Variants in HYDIN observed in about 807,000 individuals in gnomAD.
HYDIN encodes the protein axonemal central pair apparatus protein HYDIN.
HYDIN carries 132 observed loss-of-function variants against 403.9 expected under a neutral mutation model. The ratio of observed to expected loss-of-function variants is 0.33; its 90% confidence interval spans 0.28 to 0.38. The LOEUF (loss-of-function observed/expected upper bound fraction) is 0.38, where lower values mean the gene tolerates loss of function less well. Ranked by LOEUF, HYDIN falls within the 10% of genes least tolerant of loss-of-function variation. The pLI is 1.00. For synonymous variants in HYDIN, 1,202 were observed against 1,891.7 expected (o/e 0.64, Z 9.46); for missense variants, 2,827 against 5,009.5 (o/e 0.56, Z 13.15).
In HYDIN at chr16:71,126,753, A is replaced by G. The variant is rs534378001; in HGVS notation, c.1227+2887T>C. Among the ~76,000 whole-genome samples the G allele has an allele frequency of 5.9e-4, 90 of 152,310 alleles. No individual in the cohort carries two copies. The East Asian group carries it at 0.014, about 24-fold the overall frequency. On this transcript the variant is annotated intron_variant, in intron 9 of 85. Coordinates refer to ENST00000393567, the MANE Select transcript of HYDIN (RefSeq NM_001270974.2). Reference sequence around the variant, plus strand: ...TTTCTTTGTTTTTGTAATTTTCCCAATTGGAAACATTCTCTGTCTCCTTTT... The same window carrying G: ...TTTCTTTGTTTTTGTAATTTTCCCAGTTGGAAACATTCTCTGTCTCCTTTT...
At chr16:71,102,045 CAAAT>C (rs937762545) in intron 10 of HYDIN, among the ~76,000 whole-genome samples, 1 of 151,862 alleles carries the variant, frequency 6.6e-6, no homozygotes, top group African/African-American at 2.4e-5. Flanking sequence ...CTCAGCAAAA[CAAAT>C]ATAGTATCAT....
At chr16:71,046,719 A>G (rs2081462075) in intron 18 of HYDIN, among the ~76,000 whole-genome samples, 1 of 152,240 alleles carries the variant, frequency 6.6e-6, no homozygotes, top group Non-Finnish European at 1.5e-5. Flanking sequence ...GGATGTGTGT[A>G]GGGGATTTAA....
Position 71,227,654 on chromosome 16 carries a change from G to A in HYDIN, c.-24+2908C>T, listed in dbSNP as rs777062700. ...GGAGAAGTACAAACCACTGCTCAAC[G>A]AAATAAAAGAGGACACAAATGGAAG... On this transcript the variant is annotated intron_variant, in intron 1 of 85. Transcript: ENST00000393567. 3.3e-5 allele frequency among the ~76,000 whole-genome samples: 5 copies of A among 152,264 alleles called. No individual in the cohort carries two copies. The South Asian group carries it at 8.3e-4, about 25-fold the overall frequency.
At chr16:71,194,562 A>C (rs2087599293) in intron 1 of HYDIN, among the ~76,000 whole-genome samples, 1 of 152,226 alleles carries the variant, frequency 6.6e-6, no homozygotes, top group Admixed American at 6.5e-5. Flanking sequence ...TTCCTCACTA[A>C]ATAATGGAGA....
In HYDIN at chr16:71,152,775, G is replaced by A. The variant is rs1432669558; in HGVS notation, c.725C>T (p.Ser242Phe). The change falls in exon 7 of 86, where the codon TCT becomes TTT. Residue 242 changes from serine to phenylalanine, a missense_variant. By Grantham distance (155) the Ser-to-Phe change is radical. Transcript: ENST00000393567. ...VFHIKTCRPFSIEPAIGTLNV... is the reference protein window; with the variant it reads ...VFHIKTCRPFFIEPAIGTLNV... The stretch of plus-strand genomic sequence containing the variant: ...AAGAGTTCCAATAGCTGGTTCTATA[G>A]AGAAAGGCCTGCAACACACAGAGAG... The A allele has an allele frequency of 2.0e-6, 3 of 1,499,912 alleles. No homozygotes were observed. Among genetic ancestry groups the A allele is most frequent in the Non-Finnish European group, 2.7e-6 (3 of 1,106,194 alleles). The allele number at this position is 1,499,912 out of a possible 1,614,324, so 92.9% of individuals were successfully genotyped here. A position where few individuals can be genotyped will look rare whatever the true frequency, so the allele number is the denominator to read the frequency against.
At chr16:70,897,047 A>G (rs2076224917) in intron 53 of HYDIN, among the ~76,000 whole-genome samples, 1 of 147,010 alleles carries the variant, frequency 6.8e-6, no homozygotes, top group South Asian at 2.3e-4. Flanking sequence ...TGGGGGTACA[A>G]ATGGTTAGAC....
intron 47 of HYDIN, among the ~76,000 whole-genome samples, chr16:70,917,415 T>TA (rs2076874291): frequency 6.6e-6 from 1 of 152,138 alleles, no homozygotes; most frequent in Non-Finnish European, 1.5e-5. Context: ...AAGCAGGACT[T>TA]ATAGGTGAAG....
intron 1 of HYDIN, among the ~76,000 whole-genome samples, chr16:71,228,307 A>G (rs2041129658): frequency 6.6e-6 from 1 of 152,194 alleles, no homozygotes; most frequent in Non-Finnish European, 1.5e-5. Context: ...CAGAATTGAC[A>G]AATGGGATCT....
intron 1 of HYDIN, among the ~76,000 whole-genome samples, chr16:71,202,767 T>C (rs1567446840): frequency 6.6e-6 from 1 of 152,222 alleles, no homozygotes; most frequent in Non-Finnish European, 1.5e-5. Flanking sequence ...AAATACTCTT[T>C]AACTGCTCCT....
At position 70,904,478 on chromosome 16, in the gene HYDIN, C is replaced by CTTTT. The variant is rs76148650; in HGVS notation, c.8517-418_8517-415dup. Among the ~76,000 whole-genome samples, 54 of 25,218 alleles carry CTTTT rather than the reference C, an allele frequency of 2.1e-3. 12 individuals carry two copies. The highest frequency in any genetic ancestry group is 8.7e-3 in the South Asian group (4 of 462). 16.5% of individuals were successfully genotyped at this position (25,218 alleles called of 152,430 possible). ...CTGAGAGAGATTATCACTTGAGTAACTTTTTTTTTTTTTTTTTTTTTTTTT... is the reference window on the plus strand; with the variant it reads ...CTGAGAGAGATTATCACTTGAGTAACTTTTTTTTTTTTTTTTTTTTTTTTTTTTT... On this transcript the variant is annotated intron_variant, in intron 50 of 85. Coordinates refer to ENST00000393567, the MANE Select transcript of HYDIN (RefSeq NM_001270974.2).
intron 15 of HYDIN, chr16:71,066,912 C>A (rs1244850882): frequency 5.1e-6 from 3 of 592,420 alleles, no homozygotes; most frequent in Non-Finnish European, 9.5e-6. Context: ...GCATCACCTT[C>A]CTATTGCATA....
intron 16 of HYDIN, 92 bp from the exon 17 acceptor site, chr16:71,062,425 A>C: frequency 9.5e-7 from 1 of 1,056,718 alleles, no homozygotes; most frequent in Non-Finnish European, 1.4e-6. Flanking sequence ...GAGTCCGTAG[A>C]GGTGTTTTAG....
At chr16:70,862,977 T>G in intron 68 of HYDIN, 108 bp downstream of exon 68, 1 of 670,284 alleles carries the variant, frequency 1.5e-6, no homozygotes, top group Non-Finnish European at 2.5e-6. Flanking sequence ...TTTGCTTTTC[T>G]TTAGCTACTT....
rs2035150739 is a variant in HYDIN at position 70,807,312 on chromosome 16, C to T, written c.*268G>A. On this transcript the variant is annotated 3_prime_UTR_variant, in exon 86 of 86. Coordinates refer to ENST00000393567, the MANE Select transcript of HYDIN (RefSeq NM_001270974.2). ...TGGGAATTATTACAAAGTACTTGAG[C>T]TTTGGGGCTATGTCAAGAAACTCAA... 2.4e-6 allele frequency: 1 copy of T among 409,840 alleles called. No individual in the cohort carries two copies. The highest frequency in any genetic ancestry group is 4.2e-5 in the Admixed American group (1 of 23,730). The allele number at this position is 409,840 out of a possible 1,614,324, so 25.4% of individuals were successfully genotyped here. A position where few individuals can be genotyped will look rare whatever the true frequency, so the allele number is the denominator to read the frequency against.
At chr16:71,175,919 A>G (rs1881853162) in intron 4 of HYDIN, 178 bp from the exon 5 acceptor site, 2 of 684,574 alleles carry the variant, frequency 2.9e-6, no homozygotes, top group Non-Finnish European at 5.3e-6. Context: ...GTAAGCACCC[A>G]ATACCTTCTA....
intron 73 of HYDIN, among the ~76,000 whole-genome samples, chr16:70,851,157 C>A: frequency 7.9e-6 from 1 of 126,730 alleles, no homozygotes. Context: ...TTCAAAAGCA[C>A]TTGCAATAAA....
intron 62 of HYDIN, among the ~76,000 whole-genome samples, chr16:70,878,727 C>A (rs2040596658): frequency 7.0e-6 from 1 of 143,004 alleles, no homozygotes; most frequent in Admixed American, 6.7e-5. Context: ...GCCAAATGCC[C>A]ACTGAAGGCA....
chr16:71,148,203 A>G (rs572728865), intron 7 of HYDIN, among the ~76,000 whole-genome samples: 4 of 151,060 alleles, frequency 2.6e-5, no homozygotes, highest in African/African-American at 9.7e-5. Flanking sequence ...CAAGATTAAA[A>G]GTCTTAGAAA....
intron 15 of HYDIN, among the ~76,000 whole-genome samples, 193 bp from the exon 16 acceptor site, chr16:71,065,033 A>G (rs2082214335): frequency 1.3e-5 from 2 of 152,174 alleles, no homozygotes; most frequent in African/African-American, 4.8e-5. Context: ...TTTTTAATCA[A>G]AAAAGGACTA....
Sources: gnomAD v4.1 joint callset for allele counts (sites outside exome capture counted in the v4.1 genomes callset) on GRCh38, gnomAD v4.1.1 for gene constraint, MANE v1.5 for transcripts, NCBI Gene and HGNC (gene_info 2026-07-23, HGNC 2026-07-21) for gene names.